Variants in TPO observed in about 807,000 individuals in gnomAD.
TPO encodes thyroid microsomal antigen.
Under a neutral mutation model 96.9 loss-of-function variants are expected in TPO, and 78 were observed. The observed-to-expected ratio is 0.81, with a 90% confidence interval of 0.67 to 0.97. The LOEUF is 0.97. TPO is among the 50% of genes least tolerant of loss of function. TPO has a pLI of 0.00. For missense variants in TPO, 1,252 were observed against 1,274.8 expected (o/e 0.98, Z 0.27); for synonymous variants, 547 against 538.0 (o/e 1.02, Z -0.23).
upstream of TPO, among the ~76,000 whole-genome samples, chr2:1,410,951 G>A (rs1270803820): frequency 6.6e-6 from 1 of 152,116 alleles, no homozygotes; most frequent in South Asian, 2.1e-4. Flanking sequence ...TCTTCCCAAT[G>A]CTCCTTTCTG....
Position 1,540,718 on chromosome 2 carries a change from G to C in TPO, c.2743G>C (p.Glu915Gln), listed in dbSNP as rs748727701. Residue 915 changes from glutamate to glutamine, a missense_variant, in exon 16 of 17, where the codon GAG (glutamate) becomes CAG (glutamine). Glu to Gln is a conservative substitution (Grantham distance 29). Transcript: ENST00000329066. ...GCAGCGGGCCGCAGCTCAGGACTCG[G>C]AGCAGGTGGGCCACACCATGCCGCA... ...SPQRAAAQDS[E>Q]QESAGMEGRD... The C allele has an allele frequency of 1.2e-6, 2 of 1,613,320 alleles. No individual in the cohort carries two copies. The highest frequency in any genetic ancestry group is 2.2e-5 in the South Asian group (2 of 91,082).
chr2:1,460,505 T>C (rs997731310), intron 7 of TPO, among the ~76,000 whole-genome samples: 1 of 152,110 alleles, frequency 6.6e-6, no homozygotes, highest in Admixed American at 6.5e-5. Flanking sequence ...TGTATATAGG[T>C]TTGTTGTCCA....
intron 15 of TPO, among the ~76,000 whole-genome samples, chr2:1,527,183 C>A (rs1676768935): frequency 2.2e-5 from 3 of 134,588 alleles, no homozygotes. Flanking sequence ...ATCCCTCCCA[C>A]TGTGTGCAAC....
chr2:1,487,654 G>A (rs977740840), intron 9 of TPO, among the ~76,000 whole-genome samples, 167 bp from the exon 10 acceptor site: 10 of 152,052 alleles, frequency 6.6e-5, no homozygotes, highest in Admixed American at 2.0e-4. Context: ...GGAGCATGGC[G>A]TGAACCCGGG....
intron 4 of TPO, among the ~76,000 whole-genome samples, 184 bp downstream of exon 4, chr2:1,433,791 T>C (rs1665273669): frequency 6.6e-6 from 1 of 152,236 alleles, no homozygotes. Flanking sequence ...TCTCAATATC[T>C]TATTTTTGTT....
intron 1 of TPO, among the ~76,000 whole-genome samples, chr2:1,404,290 G>C (rs1036294049): frequency 3.3e-5 from 5 of 152,156 alleles, no homozygotes; most frequent in African/African-American, 1.2e-4. Context: ...TGGTAATGCA[G>C]TAGCCCATTC....
chr2:1,525,429 AACCTCCCCAAAACCCCCCAC>A (rs1676216610), intron 15 of TPO, among the ~76,000 whole-genome samples: 1 of 90,656 alleles, frequency 1.1e-5, no homozygotes. Context: ...CACTGTGTGC[AACCTCCCCAAAACCCCCCAC>A]TGTTTGCAAC....
chr2:1,477,435 T>C lies in TPO; in HGVS notation c.1169T>C (p.Phe390Ser). ...GIPGETRGPCFLAGDGRASEV... is the reference protein window; with the variant it reads ...GIPGETRGPCSLAGDGRASEV... ...CCCGGAGAGACCCGCGGGCCCTGCTTCCTGGCCGGAGACGGCCGCGCCAGC... is the reference window on the plus strand; with the variant it reads ...CCCGGAGAGACCCGCGGGCCCTGCTCCCTGGCCGGAGACGGCCGCGCCAGC... Residue 390 changes from phenylalanine (F) to serine (S), a missense_variant, in exon 8 of 17, where the codon TTC becomes TCC. By Grantham distance (155) the Phe-to-Ser change is radical. Coordinates refer to ENST00000329066, the MANE Select transcript of TPO (RefSeq NM_001206744.2). 6.6e-7 allele frequency: 1 copy of C among 1,523,126 alleles called. No individual in the cohort carries two copies. The highest frequency in any genetic ancestry group is 8.8e-7 in the Non-Finnish European group (1 of 1,139,710). 94.4% of individuals were successfully genotyped at this position (1,523,126 alleles called of 1,614,324 possible).
intron 15 of TPO, among the ~76,000 whole-genome samples, chr2:1,518,706 A>T (rs1674952161): frequency 1.3e-5 from 2 of 152,360 alleles, no homozygotes; most frequent in Middle Eastern, 3.4e-3. Context: ...AATTCCTTCC[A>T]GTAGAGAGGT....
chr2:1,376,725 AAAAGT>A (rs1661727769), intron 1 of TPO, among the ~76,000 whole-genome samples: 2 of 152,332 alleles, frequency 1.3e-5, no homozygotes, highest in Admixed American at 1.3e-4. Flanking sequence ...CCTGTGAAAG[AAAAGT>A]AAAGACACTT....
At chr2:1,471,278 C>T (rs928966702) in intron 7 of TPO, among the ~76,000 whole-genome samples, 5 of 152,250 alleles carry the variant, frequency 3.3e-5, no homozygotes, top group South Asian at 4.1e-4. Flanking sequence ...TTAGTCTATT[C>T]GAGCCCATAA....
At chr2:1,458,118 G>T (rs1668035613) in intron 7 of TPO, among the ~76,000 whole-genome samples, 5 of 151,698 alleles carry the variant, frequency 3.3e-5, no homozygotes, top group Admixed American at 3.3e-4. Context: ...ATAAGATAGT[G>T]TGCAGGCACG....
chr2:1,503,699 C>T lies in TPO; in HGVS notation c.2387-249C>T, dbSNP rs1013248231. 1.0e-5 allele frequency: 7 copies of T among 702,968 alleles called. No homozygotes were observed. In the African/African-American group the frequency reaches 1.2e-4, roughly 12 times the overall value. 43.5% of individuals were successfully genotyped at this position (702,968 alleles called of 1,614,324 possible). On this transcript the variant is annotated intron_variant, in intron 13 of 16. Transcript: ENST00000329066. ...TCCAGGAAGTCTCCTGTGACTCGGG[C>T]CTGAGTGAGCCCCAGTGTGTGGACT...
chr2:1,521,287 C>A (rs1675230131), intron 15 of TPO, among the ~76,000 whole-genome samples: 1 of 152,206 alleles, frequency 6.6e-6, no homozygotes, highest in African/African-American at 2.4e-5. Flanking sequence ...CCTTCCCACG[C>A]TGTGAGCTGA....
chr2:1,541,308 G>A, intron 16 of TPO: 1 of 514,696 alleles, frequency 1.9e-6, no homozygotes, highest in Non-Finnish European at 2.6e-6. Flanking sequence ...TGCACGGCAT[G>A]GGGCGCACGC....
intron 15 of TPO, among the ~76,000 whole-genome samples, chr2:1,520,039 A>T (rs922411721): frequency 6.6e-6 from 1 of 152,254 alleles, no homozygotes; most frequent in African/African-American, 2.4e-5. Context: ...GAAAAAGTGG[A>T]TGTTAATGTG....
At chr2:1,528,121 A>G (rs1489438541) in intron 15 of TPO, among the ~76,000 whole-genome samples, 2 of 94,460 alleles carry the variant, frequency 2.1e-5, no homozygotes, top group East Asian at 8.7e-4. Flanking sequence ...TGTGTGCAAC[A>G]TTCCTCAAAT....
intron 15 of TPO, among the ~76,000 whole-genome samples, chr2:1,537,419 ACCCTCCCATTGTGTGCAAACTCCCAAATC>A (rs1680009718): frequency 2.3e-5 from 2 of 85,622 alleles, no homozygotes; most frequent in Non-Finnish European, 2.4e-5. Context: ...ACCTCCCCAA[ACCCTCCCATTGTGTGCAAACTCCCAAATC>A]TCCCCACTGT....
intron 9 of TPO, among the ~76,000 whole-genome samples, chr2:1,486,830 C>A (rs1204702353): frequency 1.3e-5 from 2 of 152,148 alleles, no homozygotes; most frequent in African/African-American, 2.4e-5. Context: ...TGCTGCAGTG[C>A]GTCCGGCGAT....
Sources: gnomAD v4.1 joint callset for allele counts (sites outside exome capture counted in the v4.1 genomes callset) on GRCh38, gnomAD v4.1.1 for gene constraint, MANE v1.5 for transcripts, NCBI Gene and HGNC (gene_info 2026-07-23, HGNC 2026-07-21) for gene names.